Variants in KCNN3 observed in about 807,000 individuals in gnomAD.
The protein encoded by KCNN3 is potassium calcium-activated channel subfamily N member 3.
Under a neutral mutation model 62.9 loss-of-function variants are expected in KCNN3, and 16 were observed. The ratio of observed to expected loss-of-function variants is 0.25; its 90% CI spans 0.17 to 0.39. The LOEUF is 0.39. KCNN3 is among the 10% of genes least tolerant of loss of function. The pLI is 1.00. For synonymous variants in KCNN3, 370 were observed against 389.2 expected, an observed-to-expected ratio of 0.95 and a Z score of 0.58; for missense variants, 599 against 949.4, an observed-to-expected ratio of 0.63 and a Z score of 4.85.
At chr1:154,769,721 C>T (rs1324966708) in intron 3 of KCNN3, among the ~76,000 whole-genome samples, 7 of 152,112 alleles carry the variant, frequency 4.6e-5, no homozygotes, top group East Asian at 1.9e-4. Flanking sequence ...TAAAGGGCTA[C>T]GCAAATTCAA....
chr1:154,725,955 G>A lies in KCNN3; in HGVS notation c.1662C>T (p.His554=), dbSNP rs761267551. Reference sequence around the variant, plus strand: ...GAGTGTCCATCATGAAGTTATGAACGTGCTTCTCCGCTTTGGTGAGTTCCA... The same window carrying A: ...GAGTGTCCATCATGAAGTTATGAACATGCTTCTCCGCTTTGGTGAGTTCCA... ...RKLELTKAEK[H]VHNFMMDTQL... The change falls in exon 5 of 8, where the codon CAC becomes CAT. Residue 554 remains histidine (H), a synonymous_variant. Coordinates refer to ENST00000271915, the MANE Select transcript of KCNN3 (RefSeq NM_002249.6). The A allele has an allele frequency of 2.8e-5, 45 of 1,613,996 alleles. No homozygotes were observed. The highest frequency in any genetic ancestry group is 8.9e-5 in the East Asian group (4 of 44,890).
Position 154,699,134 on chromosome 1 carries a change from G to T in KCNN3, c.*8842C>A, listed in dbSNP as rs1241679804. 6.7e-6 allele frequency: 1 copy of T among 149,464 alleles called. No individual in the cohort carries two copies. Among genetic ancestry groups the T allele is most frequent in the African/African-American group, 2.5e-5 (1 of 40,656 alleles). The allele number at this position is 149,464 out of a possible 1,614,324, so 9.3% of individuals were successfully genotyped here. A position where few individuals can be genotyped will look rare whatever the true frequency, so the allele number is the denominator to read the frequency against. ...AAAGGAAAAATGTTTCCTCTTTGGT[G>T]ACCTGAGAAAGTTTACCGTAACTCC... On this transcript the variant is annotated 3_prime_UTR_variant, in exon 8 of 8. Coordinates refer to ENST00000271915, the MANE Select transcript of KCNN3 (RefSeq NM_002249.6).
At position 154,770,259 on chromosome 1, in the gene KCNN3, C is replaced by T. The variant is rs551428874; in HGVS notation, c.1448+1716G>A. 1.1e-4 allele frequency among the ~76,000 whole-genome samples: 16 copies of T among 152,338 alleles called. No individual in the cohort carries two copies. In the East Asian group the frequency reaches 3.1e-3, roughly 29 times the overall value. On this transcript the variant is annotated intron_variant, in intron 3 of 7. Coordinates refer to ENST00000271915, the MANE Select transcript of KCNN3 (RefSeq NM_002249.6). Reference sequence around the variant, plus strand: ...TCCAACACTGCACTGGCTCTCAGAACCTGAACCTGCATCCTGGAGCCTGAA... The same window carrying T: ...TCCAACACTGCACTGGCTCTCAGAATCTGAACCTGCATCCTGGAGCCTGAA...
Position 154,869,358 on chromosome 1 carries a change from T to A in KCNN3, c.607A>T (p.Thr203Ser). The change falls in exon 1 of 8, where the codon ACT becomes TCT. Residue 203 changes from threonine to serine, a missense_variant. Thr to Ser is a moderately conservative substitution (Grantham distance 58, BLOSUM62 1). This residue lies in a region of KCNN3 where 80 missense variants were observed against 85.4 expected (regional missense o/e 0.94). Transcript: ENST00000271915. The surrounding 1 kb of genome is among the most constrained non-coding windows in gnomAD (Gnocchi z 6.1). Reference sequence around the variant, plus strand: ...AAAAGCTGGAGGGGTTGGCCCTCAGTCTCGGCCTCGATGAGGTTCCTCCGG... The same window carrying A: ...AAAAGCTGGAGGGGTTGGCCCTCAGACTCGGCCTCGATGAGGTTCCTCCGG... ...ASRRNLIEAE[T>S]EGQPLQLFSP... 1.9e-6 allele frequency: 3 copies of A among 1,614,054 alleles called. No homozygotes were observed. The highest frequency in any genetic ancestry group is 1.7e-6 in the Non-Finnish European group (2 of 1,179,960).
intron 2 of KCNN3, among the ~76,000 whole-genome samples, chr1:154,782,931 G>A (rs192973315): frequency 5.3e-5 from 8 of 152,314 alleles, no homozygotes; most frequent in South Asian, 4.1e-4. Context: ...AAGAAAACTC[G>A]GCTGGGCGCG....
intron 3 of KCNN3, among the ~76,000 whole-genome samples, chr1:154,771,634 T>C (rs755144861): frequency 2.4e-4 from 37 of 152,242 alleles, no homozygotes; most frequent in Non-Finnish European, 4.6e-4. Context: ...GCCTTTAAAA[T>C]GCTAATAAGC....
chr1:154,841,443 G>C (rs988352887), intron 1 of KCNN3, among the ~76,000 whole-genome samples: 7 of 152,170 alleles, frequency 4.6e-5, no homozygotes, highest in South Asian at 2.1e-4. Flanking sequence ...TGGGAGCCAG[G>C]CATCAGCATT....
At chr1:154,776,216 G>A (rs1648784796) in intron 2 of KCNN3, among the ~76,000 whole-genome samples, 1 of 152,216 alleles carries the variant, frequency 6.6e-6, no homozygotes, top group African/African-American at 2.4e-5. Flanking sequence ...GTGATCTCAG[G>A]CCGTGCGTGA....
chr1:154,743,147 G>A, intron 3 of KCNN3, among the ~76,000 whole-genome samples: 1 of 150,136 alleles, frequency 6.7e-6, no homozygotes, highest in South Asian at 2.1e-4. Context: ...CCTCTCACCT[G>A]GACCAGCCCC....
Position 154,814,887 on chromosome 1 carries a change from C to T in KCNN3, c.1029+7202G>A, listed in dbSNP as rs535964579. On this transcript the variant is annotated intron_variant, in intron 2 of 7. Coordinates refer to ENST00000271915, the MANE Select transcript of KCNN3 (RefSeq NM_002249.6). ...AGAAGAGCAGCGCTCCAGTGAATCC[C>T]CATCACCAGTCGCTGTTCTCTGGAA... is the stretch of plus-strand genomic sequence containing the variant. Among the ~76,000 whole-genome samples the T allele has an allele frequency of 2.0e-5, 3 of 152,352 alleles. No homozygotes were observed. In the East Asian group the frequency reaches 5.8e-4, roughly 29 times the overall value.
intron 3 of KCNN3, among the ~76,000 whole-genome samples, chr1:154,748,556 T>C (rs561438680): frequency 6.6e-6 from 1 of 152,362 alleles, no homozygotes; most frequent in African/African-American, 2.4e-5. Context: ...CAATAATCAC[T>C]ATCATTTCTC....
At chr1:154,776,759 A>AAG (rs1277437558) in intron 2 of KCNN3, among the ~76,000 whole-genome samples, 2 of 152,218 alleles carry the variant, frequency 1.3e-5, no homozygotes, top group Non-Finnish European at 2.9e-5. Context: ...CCCCTTAGAC[A>AAG]TGGTTCTCAA....
Position 154,703,155 on chromosome 1 carries a change from T to C in KCNN3, c.*4821A>G, listed in dbSNP as rs750233991. On this transcript the variant is annotated 3_prime_UTR_variant, in exon 8 of 8. Transcript: ENST00000271915. ...TCTGTTTCAATAAAAATCTACATATTACTCGTCTAACAGGAGTTTAACATT... is the reference window on the plus strand; with the variant it reads ...TCTGTTTCAATAAAAATCTACATATCACTCGTCTAACAGGAGTTTAACATT... 5.3e-5 allele frequency: 8 copies of C among 152,196 alleles called. No homozygotes were observed. Among genetic ancestry groups the C allele is most frequent in the Non-Finnish European group, 1.0e-4 (7 of 68,038 alleles). The allele number at this position is 152,196 out of a possible 1,614,324, so 9.4% of individuals were successfully genotyped here. A position where few individuals can be genotyped will look rare whatever the true frequency, so the allele number is the denominator to read the frequency against.
At chr1:154,774,934 C>T (rs1648727919) in intron 2 of KCNN3, among the ~76,000 whole-genome samples, 1 of 152,218 alleles carries the variant, frequency 6.6e-6, no homozygotes, top group South Asian at 2.1e-4. Flanking sequence ...ATGTTGGGGC[C>T]AGGGTTGGGT....
intron 3 of KCNN3, among the ~76,000 whole-genome samples, chr1:154,761,268 C>T (rs1648000138): frequency 6.6e-6 from 1 of 152,120 alleles, no homozygotes; most frequent in East Asian, 1.9e-4. Flanking sequence ...AGCTGCAGAC[C>T]ACCAGCCAGG....
intron 1 of KCNN3, among the ~76,000 whole-genome samples, chr1:154,837,552 C>G (rs1651642885): frequency 6.6e-6 from 1 of 152,138 alleles, no homozygotes; most frequent in South Asian, 2.1e-4. Flanking sequence ...AGCACAGAAG[C>G]TAGGAAGGCA....
At chr1:154,725,386 T>C (rs1243085851) in intron 5 of KCNN3, among the ~76,000 whole-genome samples, 1 of 151,986 alleles carries the variant, frequency 6.6e-6, no homozygotes, top group African/African-American at 2.4e-5. Flanking sequence ...CCAGGAAAAT[T>C]ATTTGGCTGC....
intron 1 of KCNN3, chr1:154,868,227 A>AGGCGGCGCCCAGCTGCTT: frequency 1.0e-6 from 1 of 985,516 alleles, no homozygotes; most frequent in South Asian, 4.7e-5. Flanking sequence ...GCTGATTCCA[A>AGGCGGCGCCCAGCTGCTT]GGCGGCGCCC....
chr1:154,846,749 G>C (rs1019904677), intron 1 of KCNN3, among the ~76,000 whole-genome samples: 1 of 152,146 alleles, frequency 6.6e-6, no homozygotes, highest in Non-Finnish European at 1.5e-5. Context: ...TCCACTTCTC[G>C]CTGTACTCCA....
Sources: allele counts gnomAD v4.1 joint callset (sites outside exome capture counted in the v4.1 genomes callset), GRCh38; gene constraint gnomAD v4.1.1; regional missense constraint gnomAD v4.1.1; non-coding constraint Gnocchi (gnomAD v3.1); transcripts MANE v1.5; gene names NCBI Gene and HGNC (gene_info 2026-07-23, HGNC 2026-07-21).